The following SAMD5 variants were observed in gnomAD, a reference collection of about 807,000 sequenced individuals.
SAMD5 encodes the protein sterile alpha motif domain-containing protein 5.
A neutral mutation model predicts 11.3 loss-of-function variants in SAMD5; 13 were observed. The ratio of observed to expected loss-of-function variants is 1.15; its 90% CI spans 0.75 to 1.83. SAMD5 has a LOEUF of 1.83. Ranked by LOEUF, SAMD5 falls within the 40% of genes most tolerant of loss-of-function variation. The pLI is 0.00. For synonymous variants in SAMD5, 129 were observed against 111.3 expected, an observed-to-expected ratio of 1.16 and a Z score of -1.00; for missense variants, 255 against 239.1, an observed-to-expected ratio of 1.07 and a Z score of -0.44.
the SAMD5 span, among the ~76,000 whole-genome samples, chr6:147,947,058 C>A: frequency 1.3e-5 from 2 of 151,334 alleles, no homozygotes; most frequent in East Asian, 3.8e-4. Context: ...CGGGGCAAAT[C>A]CTTCCTTTGG....
chr6:147,805,581 G>A, the SAMD5 span, among the ~76,000 whole-genome samples: 4 of 152,246 alleles, frequency 2.6e-5, no homozygotes, highest in South Asian at 8.3e-4. Flanking sequence ...AAGCTAGCAA[G>A]GATTTATTGA....
At chr6:147,889,913 T>C in the SAMD5 span, among the ~76,000 whole-genome samples, 1 of 152,206 alleles carries the variant, frequency 6.6e-6, no homozygotes, top group African/African-American at 2.4e-5. Flanking sequence ...CCTTCCTCTC[T>C]GATATGCTCC....
chr6:147,543,304 A>T (rs193127874), intron 1 of SAMD5, among the ~76,000 whole-genome samples: 1 of 152,370 alleles, frequency 6.6e-6, no homozygotes, highest in African/African-American at 2.4e-5. Context: ...ACAACTTTGC[A>T]ATTTAAAAAC....
At chr6:147,875,512 C>G in the SAMD5 span, among the ~76,000 whole-genome samples, 1 of 152,162 alleles carries the variant, frequency 6.6e-6, no homozygotes, top group African/African-American at 2.4e-5. Context: ...CTCTTCTACT[C>G]TCTTGTCAGC....
chr6:147,554,834 C>G (rs1257960010), intron 1 of SAMD5, among the ~76,000 whole-genome samples: 1 of 152,202 alleles, frequency 6.6e-6, no homozygotes, highest in African/African-American at 2.4e-5. Context: ...ACCTTAACTT[C>G]TTGTATCCAG....
intron 1 of SAMD5, among the ~76,000 whole-genome samples, chr6:147,631,038 G>A (rs1250519415): frequency 6.6e-6 from 1 of 152,078 alleles, no homozygotes; most frequent in Non-Finnish European, 1.5e-5. Flanking sequence ...TTGTGGGGGT[G>A]GTATGGAGAG....
intron 1 of SAMD5, among the ~76,000 whole-genome samples, chr6:147,722,047 G>T (rs1246649427): frequency 6.6e-6 from 1 of 152,164 alleles, no homozygotes; most frequent in African/African-American, 2.4e-5. Flanking sequence ...CCTGTGAATA[G>T]AGAAATGCAG....
At chr6:147,928,977 T>TG in the SAMD5 span, among the ~76,000 whole-genome samples, 12 of 139,212 alleles carry the variant, frequency 8.6e-5, no homozygotes, top group African/African-American at 3.2e-4. Context: ...TGGTTTTGAG[T>TG]GTTTTTTTTT....
At chr6:147,562,770 C>T (rs1363812877) in intron 1 of SAMD5, among the ~76,000 whole-genome samples, 1 of 151,664 alleles carries the variant, frequency 6.6e-6, no homozygotes, top group Non-Finnish European at 1.5e-5. Flanking sequence ...TGCAGTGAGC[C>T]GAGATCGCAC....
chr6:147,819,512 T>G, the SAMD5 span, among the ~76,000 whole-genome samples: 1 of 152,234 alleles, frequency 6.6e-6, no homozygotes, highest in Admixed American at 6.5e-5. Flanking sequence ...AATTCTTTTC[T>G]TGCTACTCAC....
At chr6:147,730,074 C>CA (rs34624038) in intron 1 of SAMD5, 111,899 of 302,216 alleles carry the variant, frequency 0.37, 16,507 homozygotes, top group African/African-American at 0.56. Context: ...GACTCTGTCT[C>CA]AAAAAAAAAA....
chr6:147,865,255 T>G, the SAMD5 span, among the ~76,000 whole-genome samples: 16 of 151,850 alleles, frequency 1.1e-4, no homozygotes, highest in African/African-American at 3.9e-4. Flanking sequence ...TGTGTGTATG[T>G]GTGTAGGTAC....
At chr6:147,780,169 T>C in the SAMD5 span, among the ~76,000 whole-genome samples, 1 of 152,114 alleles carries the variant, frequency 6.6e-6, no homozygotes, top group East Asian at 1.9e-4. Flanking sequence ...GATGTAAAGA[T>C]TCTCTCAGAA....
chr6:147,531,806 A>G (rs1788434120), intron 1 of SAMD5, among the ~76,000 whole-genome samples: 1 of 152,228 alleles, frequency 6.6e-6, no homozygotes, highest in Admixed American at 6.5e-5. Flanking sequence ...TTCGGTCTAG[A>G]AAAAATTAAT....
At chr6:147,834,306 G>A in the SAMD5 span, among the ~76,000 whole-genome samples, 1 of 152,098 alleles carries the variant, frequency 6.6e-6, no homozygotes, top group Non-Finnish European at 1.5e-5. Flanking sequence ...GGAGAGTTGG[G>A]GTGCATAGTC....
At chr6:147,862,780 T>C in the SAMD5 span, among the ~76,000 whole-genome samples, 2 of 152,242 alleles carry the variant, frequency 1.3e-5, no homozygotes, top group Non-Finnish European at 2.9e-5. Flanking sequence ...CTTCCAAGAA[T>C]AGCCTCTTTA....
At chr6:147,644,060 T>C (rs1055448147) in intron 1 of SAMD5, among the ~76,000 whole-genome samples, 2 of 152,166 alleles carry the variant, frequency 1.3e-5, no homozygotes, top group African/African-American at 4.8e-5. Context: ...TGGATGTTGA[T>C]TCATTGCATG....
At chr6:147,603,190 G>A (rs1283980519) in intron 1 of SAMD5, among the ~76,000 whole-genome samples, 1 of 152,124 alleles carries the variant, frequency 6.6e-6, no homozygotes, top group Admixed American at 6.5e-5. Context: ...AGTTATTTCA[G>A]GGTAATTACA....
intron 1 of SAMD5, among the ~76,000 whole-genome samples, chr6:147,621,434 T>C (rs886793839): frequency 6.6e-6 from 1 of 150,842 alleles, no homozygotes; most frequent in African/African-American, 2.5e-5. Flanking sequence ...GCCAGAGCCT[T>C]CAGCCTGGTA....
Sources: allele counts gnomAD v4.1 joint callset (sites outside exome capture counted in the v4.1 genomes callset), GRCh38; gene constraint gnomAD v4.1.1; transcripts MANE v1.5; gene names NCBI Gene and HGNC (gene_info 2026-07-23, HGNC 2026-07-21).